The following TXNDC8 variants were observed in gnomAD, a reference collection of about 807,000 sequenced individuals.
TXNDC8 encodes thioredoxin domain containing 8, also known as thioredoxin domain-containing protein 8.
Under a neutral mutation model 12.9 loss-of-function variants are expected in TXNDC8, and 15 were observed. The observed-to-expected ratio is 1.16, with a 90% confidence interval of 0.78 to 1.79. The LOEUF (loss-of-function observed/expected upper bound fraction) is 1.79, where lower values mean the gene tolerates loss of function less well. Among genes scored for constraint, TXNDC8 ranks in the 40% most tolerant of loss-of-function variants. TXNDC8 has a pLI of 0.00. For synonymous variants in TXNDC8, 40 were observed against 35.4 expected, an observed-to-expected ratio of 1.13 and a Z score of -0.46; for missense variants, 128 against 113.2, an observed-to-expected ratio of 1.13 and a Z score of -0.59.
intron 3 of TXNDC8, among the ~76,000 whole-genome samples, chr9:110,316,485 C>T (rs1838890461): frequency 6.6e-6 from 1 of 152,126 alleles, no homozygotes; most frequent in Non-Finnish European, 1.5e-5. Context: ...CTTTGACTTT[C>T]ACAAGACTCA....
intron 2 of TXNDC8, among the ~76,000 whole-genome samples, chr9:110,331,529 C>T (rs997798817): frequency 6.6e-6 from 1 of 152,080 alleles, no homozygotes; most frequent in African/African-American, 2.4e-5. Flanking sequence ...TATTAAAATC[C>T]TTTTCTAATT....
At chr9:110,330,176 T>C (rs1839494608) in intron 2 of TXNDC8, among the ~76,000 whole-genome samples, 1 of 152,256 alleles carries the variant, frequency 6.6e-6, no homozygotes, top group African/African-American at 2.4e-5. Context: ...CATGTATTTC[T>C]AGTCGCTTAT....
chr9:110,312,895 GTCT>G (rs956819593), intron 3 of TXNDC8, among the ~76,000 whole-genome samples: 1 of 152,046 alleles, frequency 6.6e-6, no homozygotes, highest in Admixed American at 6.5e-5. Context: ...TTGGCTACAA[GTCT>G]TCTTTTTTTA....
chr9:110,337,070 A>G (rs968399067), intron 1 of TXNDC8, among the ~76,000 whole-genome samples: 1 of 152,236 alleles, frequency 6.6e-6, no homozygotes, highest in Non-Finnish European at 1.5e-5. Flanking sequence ...GGTCAGTGTC[A>G]TTTTTGTGAT....
intron 1 of TXNDC8, 69 bp downstream of exon 1, chr9:110,337,703 TA>T: frequency 6.9e-7 from 1 of 1,452,372 alleles, no homozygotes; most frequent in Non-Finnish European, 9.7e-7. Flanking sequence ...AACACATTCT[TA>T]AAGTTTTTCA....
Position 110,315,286 on chromosome 9 carries a change from C to T in TXNDC8, c.196-10754G>A, listed in dbSNP as rs181979267. ...CTAATTTTTGTATTTTTAGTACAGA[C>T]GGGGTTTTGCCATGTTGGCCAGGCT... On this transcript the variant is annotated intron_variant, in intron 3 of 4. Transcript: ENST00000423740. 1.5e-4 allele frequency among the ~76,000 whole-genome samples: 23 copies of T among 152,042 alleles called. No individual in the cohort carries two copies. In the East Asian group the frequency reaches 2.9e-3, roughly 19 times the overall value.
At position 110,315,991 on chromosome 9, in the gene TXNDC8, G is replaced by A. The variant is rs547441052; in HGVS notation, c.195+10184C>T. 1.4e-4 allele frequency among the ~76,000 whole-genome samples: 21 copies of A among 151,952 alleles called. No homozygotes were observed. In the South Asian group the frequency reaches 2.7e-3, roughly 20 times the overall value. On this transcript the variant is annotated intron_variant, in intron 3 of 4. Coordinates refer to ENST00000423740, the MANE Select transcript of TXNDC8 (RefSeq NM_001286946.2). ...TGGCTCACTGCAACCTCCGCCTCCC[G>A]GGTCCAGGTGGTTCTCCTGCCTCAC...
chr9:110,322,877 G>C, intron 3 of TXNDC8: 1 of 985,254 alleles, frequency 1.0e-6, no homozygotes, highest in Non-Finnish European at 1.2e-6. Flanking sequence ...TATCCACTTG[G>C]GATTCTTCTA....
At chr9:110,316,776 G>T (rs1274106443) in intron 3 of TXNDC8, among the ~76,000 whole-genome samples, 1 of 152,204 alleles carries the variant, frequency 6.6e-6, no homozygotes, top group South Asian at 2.1e-4. Flanking sequence ...TAATGCAAGA[G>T]TGCTTTTCTT....
At chr9:110,322,521 C>T (rs1291553005) in intron 3 of TXNDC8, 5 of 985,266 alleles carry the variant, frequency 5.1e-6, no homozygotes, top group Non-Finnish European at 6.0e-6. Flanking sequence ...CTTCCATCCC[C>T]ATACAGAATT....
chr9:110,312,338 CG>C (rs1450910900), intron 3 of TXNDC8, among the ~76,000 whole-genome samples: 1 of 152,098 alleles, frequency 6.6e-6, no homozygotes, highest in Non-Finnish European at 1.5e-5. Context: ...TTGGAGAAAC[CG>C]GTTATTTTAC....
intron 4 of TXNDC8, among the ~76,000 whole-genome samples, chr9:110,304,212 T>C (rs1490505648): frequency 3.3e-5 from 5 of 152,032 alleles, no homozygotes; most frequent in Admixed American, 6.5e-5. Context: ...GAGTGTGAGG[T>C]TGGGATTGGG....
rs761077739 is a variant in TXNDC8, at chr9:110,326,195, T to A, written c.175A>T (p.Met59Leu). ...CATACCTTCTGGCTTTTCTTGAACA[T>A]CTGAAATGTGGGTATTGTTTTGATG... Residue 59 changes from methionine (M) to leucine (L), a missense_variant, in exon 3 of 5, where the codon ATG becomes TTG. Transcript: ENST00000423740. 1 of 1,614,086 alleles carries A rather than the reference T, an allele frequency of 6.2e-7. No individual in the cohort carries two copies.
At chr9:110,312,481 A>G (rs1043022963) in intron 3 of TXNDC8, among the ~76,000 whole-genome samples, 2 of 152,228 alleles carry the variant, frequency 1.3e-5, no homozygotes, top group Non-Finnish European at 2.9e-5. Context: ...ACCTGTGGTA[A>G]GTAAAGAATG....
At chr9:110,322,401 G>A in intron 3 of TXNDC8, 8 of 985,360 alleles carry the variant, frequency 8.1e-6, no homozygotes, top group Non-Finnish European at 9.6e-6. Flanking sequence ...GAGATCTTTA[G>A]TGATCTCTGG....
chr9:110,334,985 A>G (rs749051383), intron 1 of TXNDC8, among the ~76,000 whole-genome samples: 49 of 152,294 alleles, frequency 3.2e-4, no homozygotes, highest in African/African-American at 1.1e-3. Context: ...TTTCCCATCA[A>G]CTGTTTGTAT....
At chr9:110,314,595 G>A (rs563021349) in intron 3 of TXNDC8, among the ~76,000 whole-genome samples, 4 of 151,890 alleles carry the variant, frequency 2.6e-5, no homozygotes, top group Non-Finnish European at 5.9e-5. Context: ...ACCCCGTCCG[G>A]CTAATTTTTT....
chr9:110,308,156 A>G (rs1272706815), intron 3 of TXNDC8, among the ~76,000 whole-genome samples: 1 of 152,238 alleles, frequency 6.6e-6, no homozygotes, highest in Admixed American at 6.5e-5. Context: ...ACTCCAGAGA[A>G]TCCCCAATCT....
At chr9:110,327,864 A>C (rs1317818296) in intron 2 of TXNDC8, among the ~76,000 whole-genome samples, 1 of 152,160 alleles carries the variant, frequency 6.6e-6, no homozygotes, top group East Asian at 1.9e-4. Flanking sequence ...GTGTTCTAAA[A>C]TTGATTGTAG....
Sources: allele counts gnomAD v4.1 joint callset (sites outside exome capture counted in the v4.1 genomes callset), GRCh38; gene constraint gnomAD v4.1.1; transcripts MANE v1.5; gene names NCBI Gene and HGNC (gene_info 2026-07-23, HGNC 2026-07-21).